The following BCORL1 variants were observed in gnomAD, a reference collection of about 807,000 sequenced individuals.
BCORL1 encodes BCL6 corepressor like 1.
A neutral mutation model predicts 87.6 loss-of-function variants in BCORL1; 7 were observed. The observed-to-expected ratio is 0.08, with a 90% CI of 0.05 to 0.15. The LOEUF is 0.15. BCORL1 is among the 10% of genes least tolerant of loss of function. The pLI is 1.00. For missense variants in BCORL1, 1,215 were observed against 1,499.7 expected, an observed-to-expected ratio of 0.81 and a Z score of 3.13; for synonymous variants, 591 against 634.4, an observed-to-expected ratio of 0.93 and a Z score of 1.03.
At chrX:130,041,300 A>T (rs1362557857) in intron 11 of BCORL1, among the ~76,000 whole-genome samples, 2 of 101,940 alleles carry the variant, frequency 2.0e-5, no homozygotes, top group Non-Finnish European at 3.8e-5. Flanking sequence ...AAAAAAAAAA[A>T]GAGACAGAGA....
At chrX:130,022,388 C>CA (rs1929913740) in intron 5 of BCORL1, among the ~76,000 whole-genome samples, 1 of 108,297 alleles carries the variant, frequency 9.2e-6, no homozygotes, top group South Asian at 4.0e-4. Context: ...TCTGGGACTA[C>CA]AGGTGAGTGC....
intron 1 of BCORL1, among the ~76,000 whole-genome samples, chrX:130,001,053 A>G (rs1337412613): frequency 9.0e-6 from 1 of 111,160 alleles, no homozygotes; most frequent in Non-Finnish European, 1.9e-5. Context: ...GGTGTCGTGG[A>G]GGAAACAAAG....
In BCORL1 at chrX:130,032,946, A is replaced by G. The variant is rs758787156; in HGVS notation, c.4306-1509A>G. 6.4e-5 allele frequency among the ~76,000 whole-genome samples: 7 copies of G among 108,915 alleles called. No homozygotes were observed. The East Asian group carries it at 2.0e-3, about 31-fold the overall frequency. 94.6% of individuals were successfully genotyped at this position (108,915 alleles called of 115,157 possible). On this transcript the variant is annotated intron_variant, in intron 8 of 13. Coordinates refer to ENST00000540052, the MANE Select transcript of BCORL1 (RefSeq NM_001379451.1). ...CCGGCTAATTTTTTGTACTTTTAGT[A>G]GAGATGGGGTTTCACCATATTGGCC...
chrX:130,029,690 G>A (rs746913528), intron 8 of BCORL1, among the ~76,000 whole-genome samples: 1 of 104,746 alleles, frequency 9.5e-6, no homozygotes, highest in Non-Finnish European at 1.9e-5. Context: ...ACACGCTTTC[G>A]CCCAGGCTGG....
rs758129337 is a variant in BCORL1, at chrX:129,985,721, C to T, written c.-45+2959C>T. 2.8e-4 allele frequency among the ~76,000 whole-genome samples: 31 copies of T among 111,505 alleles called. No homozygotes were observed. In the South Asian group the frequency reaches 0.011, roughly 39 times the overall value. On this transcript the variant is annotated intron_variant, in intron 1 of 13. Coordinates refer to ENST00000540052, the MANE Select transcript of BCORL1 (RefSeq NM_001379451.1). ...AGGCGGACATCTTTTGACAGGGCAA[C>T]TTAGGCAACTGCCCTTGGGGCAGAT...
intron 11 of BCORL1, among the ~76,000 whole-genome samples, chrX:130,047,809 C>T (rs959638906): frequency 9.0e-6 from 1 of 111,683 alleles, no homozygotes; most frequent in Non-Finnish European, 1.9e-5. Context: ...GGTTTAGGTA[C>T]GGCAGAGACA....
At chrX:129,988,937 C>T (rs1926836503) in intron 1 of BCORL1, among the ~76,000 whole-genome samples, 1 of 111,404 alleles carries the variant, frequency 9.0e-6, no homozygotes, top group Non-Finnish European at 1.9e-5. Flanking sequence ...ATACCTGAAT[C>T]CATGAGATGA....
chrX:130,004,939 C>A (rs1490271883), intron 1 of BCORL1, among the ~76,000 whole-genome samples: 1 of 112,185 alleles, frequency 8.9e-6, no homozygotes, highest in Non-Finnish European at 1.9e-5. Context: ...TCAAGCATAT[C>A]TGTCTTTTAA....
Position 130,037,492 on chromosome X carries a change from G to C in BCORL1, c.4653G>C (p.Glu1551Asp). The C allele has an allele frequency of 8.3e-7, 1 of 1,211,688 alleles. No individual in the cohort carries two copies. Among genetic ancestry groups the C allele is most frequent in the Non-Finnish European group, 1.1e-6 (1 of 895,471 alleles). ...GWTDILNILL[E>D]HGANVNCSAQ... Reference sequence around the variant, plus strand: ...CCGACATCCTGAACATCCTGCTGGAGCACGGGGCCAACGTGAACTGCAGTG... The same window carrying C: ...CCGACATCCTGAACATCCTGCTGGACCACGGGGCCAACGTGAACTGCAGTG... The change falls in exon 10 of 14, where the codon GAG becomes GAC. Residue 1551 changes from glutamate to aspartate, a missense_variant. Glu to Asp is a conservative substitution (Grantham distance 45). This residue lies in a region of BCORL1 where 55 missense variants were observed against 115.1 expected (regional missense o/e 0.48). Coordinates refer to ENST00000540052, the MANE Select transcript of BCORL1 (RefSeq NM_001379451.1).
At chrX:129,983,242 G>C (rs1337733996) in intron 1 of BCORL1, among the ~76,000 whole-genome samples, 1 of 108,968 alleles carries the variant, frequency 9.2e-6, no homozygotes, top group African/African-American at 3.3e-5. Context: ...CGGCTGGGCG[G>C]GGGTCTCCAT....
intron 2 of BCORL1, among the ~76,000 whole-genome samples, chrX:130,010,134 C>T (rs1345777784): frequency 4.5e-5 from 5 of 111,717 alleles, no homozygotes; most frequent in Admixed American, 2.8e-4. Context: ...ATTCTGCTTT[C>T]GAGGTGTCAT....
Position 130,035,174 on chromosome X carries a change from T to A in BCORL1, c.4527+498T>A, listed in dbSNP as rs144861213. On this transcript the variant is annotated intron_variant, in intron 9 of 13. Coordinates refer to ENST00000540052, the MANE Select transcript of BCORL1 (RefSeq NM_001379451.1). ...CATTTATTGAGCACTTCTTTTGTCA[T>A]GTGAAGAGCCTGATTACTTTGTATC... 5.2e-3 allele frequency among the ~76,000 whole-genome samples: 582 copies of A among 112,259 alleles called. 15 individuals are homozygous for A. Among genetic ancestry groups the A allele is most frequent in the Admixed American group, 0.046 (485 of 10,569 alleles).
At chrX:129,984,406 G>C (rs1433160749) in intron 1 of BCORL1, among the ~76,000 whole-genome samples, 1 of 110,336 alleles carries the variant, frequency 9.1e-6, no homozygotes, top group Non-Finnish European at 1.9e-5. Flanking sequence ...AGGAGCCCCG[G>C]GGGCCGGGTG....
chrX:130,013,065 A>G lies in BCORL1; in HGVS notation c.293A>G (p.Lys98Arg). Reference protein sequence around the residue: ...SEDKPDDPQPKMDYAGNVAEA... With the variant: ...SEDKPDDPQPRMDYAGNVAEA... ...GACAAGCCTGACGATCCCCAGCCAAAAATGGACTACGCTGGGAACGTGGCA... is the reference window on the plus strand; with the variant it reads ...GACAAGCCTGACGATCCCCAGCCAAGAATGGACTACGCTGGGAACGTGGCA... The change falls in exon 4 of 14, where the codon AAA (lysine) becomes AGA (arginine). Residue 98 changes from lysine to arginine, a missense_variant. Lys to Arg is a conservative substitution (Grantham distance 26). Coordinates refer to ENST00000540052, the MANE Select transcript of BCORL1 (RefSeq NM_001379451.1). 8.3e-7 allele frequency: 1 copy of G among 1,211,067 alleles called. No individual in the cohort carries two copies. Among genetic ancestry groups the G allele is most frequent in the Non-Finnish European group, 1.1e-6 (1 of 894,642 alleles).
At chrX:130,002,346 A>C (rs990816338) in intron 1 of BCORL1, among the ~76,000 whole-genome samples, 5 of 109,066 alleles carry the variant, frequency 4.6e-5, no homozygotes, top group Non-Finnish European at 9.5e-5. Flanking sequence ...CAGTGCATCA[A>C]GGGGCGAGCT....
Position 130,015,671 on chromosome X carries a change from G to A in BCORL1, c.2899G>A (p.Gly967Ser), listed in dbSNP as rs865965348. The part of the protein sequence containing the change: ...LCSDSTPKME[G>S]PQGACGLKLA... ...CTCTGACAGCACTCCTAAGATGGAA[G>A]GCCCCCAGGGGGCTTGTGGCCTGAA... Residue 967 changes from glycine (G) to serine (S), a missense_variant, in exon 4 of 14, where the codon GGC becomes AGC. Transcript: ENST00000540052. 1.7e-6 allele frequency: 2 copies of A among 1,211,885 alleles called. No individual in the cohort carries two copies. The highest frequency in any genetic ancestry group is 1.7e-5 in the African/African-American group (1 of 57,836).
rs1239946058 is a variant in BCORL1 at position 130,013,353 on chromosome X, C to G, written c.581C>G (p.Thr194Ser). The G allele has an allele frequency of 8.3e-7, 1 of 1,209,335 alleles. No individual in the cohort carries two copies. Among genetic ancestry groups the G allele is most frequent in the Non-Finnish European group, 1.1e-6 (1 of 894,768 alleles). Residue 194 changes from threonine to serine, a missense_variant, in exon 4 of 14, where the codon ACT (threonine) becomes AGT (serine). Physicochemically the swap from Thr to Ser is moderately conservative, Grantham distance 58. Transcript: ENST00000540052. ...PVEGTLPLVT[T>S]NFSPLPAPIC... ...GAGGGGACCCTGCCCCTGGTTACCA[C>G]TAACTTCAGTCCTCTGCCAGCCCCT... is the stretch of plus-strand genomic sequence containing the variant.
intron 9 of BCORL1, among the ~76,000 whole-genome samples, chrX:130,036,999 A>G (rs1250845350): frequency 8.9e-6 from 1 of 111,962 alleles, no homozygotes. Flanking sequence ...TACGAAAATT[A>G]GCCAGGCGTG....
At chrX:130,033,755 G>T (rs1219045711) in intron 8 of BCORL1, among the ~76,000 whole-genome samples, 1 of 111,845 alleles carries the variant, frequency 8.9e-6, no homozygotes, top group Non-Finnish European at 1.9e-5. Flanking sequence ...GGCCGAGGCA[G>T]GCGGATCACT....
Sources: gnomAD v4.1 joint callset for allele counts (sites outside exome capture counted in the v4.1 genomes callset) on GRCh38, gnomAD v4.1.1 for gene constraint, gnomAD v4.1.1 regional missense constraint, MANE v1.5 for transcripts, NCBI Gene and HGNC (gene_info 2026-07-23, HGNC 2026-07-21) for gene names.